PPP6R3: variants seen among roughly 807,000 people sequenced by gnomAD.
The protein encoded by PPP6R3 is protein phosphatase 6 regulatory subunit 3, also known as serine/threonine-protein phosphatase 6 regulatory subunit 3.
Under a neutral mutation model 110.7 loss-of-function variants are expected in PPP6R3, and 38 were observed. That is an observed-to-expected ratio of 0.34 (90% CI 0.26 to 0.45). The LOEUF (loss-of-function observed/expected upper bound fraction) is 0.45. Among genes scored for constraint, PPP6R3 ranks in the 20% least tolerant of loss-of-function variants. The probability of loss-of-function intolerance (pLI) is 1.00; values close to 1 mark genes in which losing one functional copy is unlikely to be tolerated. For synonymous variants in PPP6R3, 369 were observed against 373.5 expected (o/e 0.99, Z 0.14); for missense variants, 870 against 1,062.4 (o/e 0.82, Z 2.52).
intron 1 of PPP6R3, among the ~76,000 whole-genome samples, chr11:68,464,089 G>T (rs959948663): frequency 6.6e-6 from 1 of 152,176 alleles, no homozygotes; most frequent in Non-Finnish European, 1.5e-5. Flanking sequence ...AATTTTTTAA[G>T]ACCATGGATG....
rs552697654 is a variant in PPP6R3, at chr11:68,557,679, C to T, written c.732-887C>T. Among the ~76,000 whole-genome samples the T allele has an allele frequency of 6.6e-5, 10 of 152,194 alleles. No individual in the cohort carries two copies. The East Asian group carries it at 1.2e-3, about 18-fold the overall frequency. ...GATGACAGGCGTGCACCACGAGGCC[C>T]GGCTAATTTTTGTGTTTTTTAGTAG... On this transcript the variant is annotated intron_variant, in intron 7 of 23. Coordinates refer to ENST00000393800, the MANE Select transcript of PPP6R3 (RefSeq NM_001164161.2).
At chr11:68,568,829 ATCTTG>A (rs2099490105) in intron 10 of PPP6R3, among the ~76,000 whole-genome samples, 1 of 150,056 alleles carries the variant, frequency 6.7e-6, no homozygotes, top group Non-Finnish European at 1.5e-5. Context: ...GAGTGCAGTG[ATCTTG>A]GCTCACTGCA....
At chr11:68,543,115 C>A (rs575676890) in intron 3 of PPP6R3, among the ~76,000 whole-genome samples, 4 of 152,304 alleles carry the variant, frequency 2.6e-5, no homozygotes, top group African/African-American at 9.6e-5. Flanking sequence ...CTTTTTTACT[C>A]CCCTCCTCCA....
intron 1 of PPP6R3, among the ~76,000 whole-genome samples, chr11:68,492,416 T>C (rs2098989830): frequency 6.6e-6 from 1 of 152,222 alleles, no homozygotes; most frequent in Non-Finnish European, 1.5e-5. Context: ...CCCAGAATGC[T>C]GGGATTTCAG....
chr11:68,593,112 C>G (rs1318039094), intron 18 of PPP6R3, among the ~76,000 whole-genome samples: 1 of 152,162 alleles, frequency 6.6e-6, no homozygotes, highest in Non-Finnish European at 1.5e-5. Context: ...TCCGTGAAAC[C>G]ATTATCCCAA....
intron 4 of PPP6R3, among the ~76,000 whole-genome samples, chr11:68,547,462 T>G (rs1310628089): frequency 3.9e-5 from 6 of 152,208 alleles, no homozygotes; most frequent in African/African-American, 1.4e-4. Context: ...AGCAGGGGCC[T>G]GATTTCCGTG....
intron 12 of PPP6R3, 126 bp downstream of exon 12, chr11:68,571,230 CT>C: frequency 8.0e-7 from 1 of 1,245,118 alleles, no homozygotes. Flanking sequence ...ACAATTTAAA[CT>C]TTTCCCCAGA....
At chr11:68,540,180 T>A (rs1185734268) in intron 3 of PPP6R3, among the ~76,000 whole-genome samples, 1 of 152,178 alleles carries the variant, frequency 6.6e-6, no homozygotes, top group Non-Finnish European at 1.5e-5. Flanking sequence ...TTTGAGCAAA[T>A]GTGTGCATGT....
At chr11:68,608,833 T>C (rs1387211571) in intron 22 of PPP6R3, among the ~76,000 whole-genome samples, 1 of 152,158 alleles carries the variant, frequency 6.6e-6, no homozygotes, top group Admixed American at 6.5e-5. Flanking sequence ...AGAATTAGAA[T>C]TAGAAACACA....
chr11:68,597,227 G>C (rs2099616475), intron 19 of PPP6R3, among the ~76,000 whole-genome samples: 1 of 152,230 alleles, frequency 6.6e-6, no homozygotes, highest in African/African-American at 2.4e-5. Flanking sequence ...GGTGCTAGAA[G>C]AGGGGAGCCT....
chr11:68,482,430 T>C (rs61889582), intron 1 of PPP6R3, among the ~76,000 whole-genome samples: 6 of 151,504 alleles, frequency 4.0e-5, no homozygotes, highest in Non-Finnish European at 1.5e-5. Flanking sequence ...AAAAAAAATT[T>C]CCTCTCTTTC....
chr11:68,541,633 C>T (rs903293266), intron 3 of PPP6R3, among the ~76,000 whole-genome samples: 1 of 152,080 alleles, frequency 6.6e-6, no homozygotes, highest in Non-Finnish European at 1.5e-5. Flanking sequence ...GGTAGGTGGA[C>T]AGAGGACATG....
At chr11:68,599,324 T>G (rs2099623502) in intron 19 of PPP6R3, among the ~76,000 whole-genome samples, 1 of 152,222 alleles carries the variant, frequency 6.6e-6, no homozygotes. Context: ...TGACCTGACT[T>G]CATCAGAAGG....
chr11:68,520,530 A>G (rs1445940055), intron 2 of PPP6R3, among the ~76,000 whole-genome samples: 1 of 152,148 alleles, frequency 6.6e-6, no homozygotes, highest in Non-Finnish European at 1.5e-5. Context: ...CATCTGAAAT[A>G]CTACTTTGCA....
chr11:68,603,179 C>T (rs183109043), intron 21 of PPP6R3, among the ~76,000 whole-genome samples, 163 bp from the exon 22 acceptor site: 219 of 152,124 alleles, frequency 1.4e-3, no homozygotes, highest in Non-Finnish European at 2.7e-3. Flanking sequence ...AGAAGTCTCT[C>T]CCCATCAAGA....
intron 14 of PPP6R3, among the ~76,000 whole-genome samples, chr11:68,577,410 G>A (rs1469638909): frequency 2.6e-5 from 4 of 152,000 alleles, no homozygotes; most frequent in Non-Finnish European, 5.9e-5. Context: ...TCTTTTAAGG[G>A]GACTATTGTC....
chr11:68,523,474 A>G (rs2099174666), intron 2 of PPP6R3, among the ~76,000 whole-genome samples: 1 of 152,212 alleles, frequency 6.6e-6, no homozygotes, highest in Non-Finnish European at 1.5e-5. Flanking sequence ...TGGTTTCAAG[A>G]ATTGATCCTA....
chr11:68,591,527 CTT>C, intron 17 of PPP6R3, 47 bp from the exon 18 acceptor site: 1 of 1,505,484 alleles, frequency 6.6e-7, no homozygotes, highest in African/African-American at 1.4e-5. Flanking sequence ...GAGAAGATAA[CTT>C]GACTTTAAAT....
intron 6 of PPP6R3, among the ~76,000 whole-genome samples, chr11:68,552,371 A>G (rs2099384702): frequency 6.6e-6 from 1 of 152,226 alleles, no homozygotes; most frequent in South Asian, 2.1e-4. Flanking sequence ...CTGTGATAGT[A>G]GAGCGAAACC....
Sources: allele counts gnomAD v4.1 joint callset (sites outside exome capture counted in the v4.1 genomes callset), GRCh38; gene constraint gnomAD v4.1.1; transcripts MANE v1.5; gene names NCBI Gene and HGNC (gene_info 2026-07-23, HGNC 2026-07-21).